Variants in PIN1 observed in about 807,000 individuals in gnomAD.
PIN1 encodes the protein peptidylprolyl cis/trans isomerase, NIMA-interacting 1.
In PIN1, 8 loss-of-function variants were observed where a neutral mutation model predicts 19.9. That is an observed-to-expected ratio of 0.40 (90% CI 0.24 to 0.72). PIN1 has a LOEUF of 0.72. PIN1 is among the 30% of genes least tolerant of loss of function. The probability of loss-of-function intolerance (pLI) is 0.37; values close to 1 mark genes in which losing one functional copy is unlikely to be tolerated. For missense variants in PIN1, 185 were observed against 226.5 expected (o/e 0.82, Z 1.18); for synonymous variants, 86 against 90.8 (o/e 0.95, Z 0.30).
intron 1 of PIN1, chr19:9,836,775 A>AGCTT: frequency 8.1e-7 from 1 of 1,235,392 alleles, no homozygotes; most frequent in Admixed American, 2.3e-5. Flanking sequence ...TTCGGGTGTG[A>AGCTT]AGTACCTGAG....
At position 9,838,241 on chromosome 19, in the gene PIN1, C is replaced by G; in HGVS notation, c.59-195C>G. The G allele has an allele frequency of 1.5e-6, 1 of 651,984 alleles. No individual in the cohort carries two copies. Among genetic ancestry groups the G allele is most frequent in the Non-Finnish European group, 2.8e-6 (1 of 356,586 alleles). 40.4% of individuals were successfully genotyped at this position (651,984 alleles called of 1,614,324 possible). A position where few individuals can be genotyped will look rare whatever the true frequency, so the allele number is the denominator to read the frequency against. ...TCTGCTCTCACCTAGAATGTTAGCT[C>G]TCTAAGGGCAGGGACTGTATCCTGC... On this transcript the variant is annotated intron_variant, in intron 1 of 3. Coordinates refer to ENST00000247970, the MANE Select transcript of PIN1 (RefSeq NM_006221.4). This position sits in a 1 kb window ranked among gnomAD's most constrained non-coding sequence, Gnocchi z 5.8.
intron 2 of PIN1, among the ~76,000 whole-genome samples, chr19:9,840,405 A>ACAAAAG (rs2046153987): frequency 1.3e-5 from 2 of 151,892 alleles, no homozygotes; most frequent in Admixed American, 1.3e-4. Flanking sequence ...AAAAACAAAA[A>ACAAAAG]CAAAAAAAAA....
At chr19:9,844,712 C>T (rs2046202251) in intron 2 of PIN1, among the ~76,000 whole-genome samples, 1 of 152,178 alleles carries the variant, frequency 6.6e-6, no homozygotes, top group Non-Finnish European at 1.5e-5. Flanking sequence ...AAGGCTGACA[C>T]ATTGTCTTGG....
chr19:9,840,988 G>A (rs972948070), intron 2 of PIN1, among the ~76,000 whole-genome samples: 4 of 152,216 alleles, frequency 2.6e-5, no homozygotes, highest in African/African-American at 4.8e-5. Flanking sequence ...ACAGTAAAGC[G>A]GGAGTAACAG....
chr19:9,846,146 G>A lies in PIN1; in HGVS notation c.272-1884G>A, dbSNP rs1354866240. Among the ~76,000 whole-genome samples the A allele has an allele frequency of 6.6e-6, 1 of 152,226 alleles. No individual in the cohort carries two copies. Among genetic ancestry groups the A allele is most frequent in the Non-Finnish European group, 1.5e-5 (1 of 68,034 alleles). On this transcript the variant is annotated intron_variant, in intron 2 of 3. Transcript: ENST00000247970. The surrounding 1 kb of genome is among the most constrained non-coding windows in gnomAD (Gnocchi z 5.9). ...TGGCACAGAGGAGGACCCCGTGGCA[G>A]CCCTGGAAGCGGGGCATTCTGATCA...
intron 3 of PIN1, chr19:9,848,733 A>T: frequency 3.2e-6 from 1 of 313,172 alleles, no homozygotes; most frequent in Non-Finnish European, 6.0e-6. Flanking sequence ...TGGGGCCAGC[A>T]GCTGCCCACC....
At chr19:9,848,556 G>A in intron 3 of PIN1, 1 of 266,400 alleles carries the variant, frequency 3.8e-6, no homozygotes, top group Non-Finnish European at 7.4e-6. Context: ...GTGGCCCTGA[G>A]TTTAGGCCTG....
intron 2 of PIN1, among the ~76,000 whole-genome samples, chr19:9,845,614 A>G (rs1206455288): frequency 6.6e-6 from 1 of 152,224 alleles, no homozygotes; most frequent in African/African-American, 2.4e-5. Flanking sequence ...CATCTCTGCA[A>G]AAGGAAAACA....
In PIN1 at chr19:9,837,247, G is replaced by C. The variant is rs535441355; in HGVS notation, c.59-1189G>C. ...TGGCGCACTGCAACCTCTGCCTCCC[G>C]GGTTCAAGTGATTCTCCTGCCTCAG... On this transcript the variant is annotated intron_variant, in intron 1 of 3. Transcript: ENST00000247970. The C allele has an allele frequency of 5.9e-4, 105 of 176,756 alleles. 1 individual carries two copies. Among genetic ancestry groups the C allele is most frequent in the South Asian group, 4.3e-3 (45 of 10,398 alleles). The allele number at this position is 176,756 out of a possible 1,614,324, so 10.9% of individuals were successfully genotyped here.
chr19:9,836,794 C>T, intron 1 of PIN1: 2 of 1,282,660 alleles, frequency 1.6e-6, no homozygotes, highest in South Asian at 2.5e-5. Flanking sequence ...AGTACAGTTC[C>T]TGCCTTCCCC....
At chr19:9,845,576 G>A (rs2046213290) in intron 2 of PIN1, among the ~76,000 whole-genome samples, 1 of 152,082 alleles carries the variant, frequency 6.6e-6, no homozygotes, top group Non-Finnish European at 1.5e-5. Context: ...AGGGGTTTGA[G>A]GCCAGCCTGA....
At chr19:9,839,304 C>T (rs1243866446) in intron 2 of PIN1, among the ~76,000 whole-genome samples, 2 of 151,754 alleles carry the variant, frequency 1.3e-5, no homozygotes, top group Middle Eastern at 3.4e-3. Context: ...TGTGTTGACG[C>T]ATGCCTGTAA....
rs1339090368 is a variant in PIN1 at position 9,849,419 on chromosome 19, C to T, written c.*220C>T. On this transcript the variant is annotated 3_prime_UTR_variant, in exon 4 of 4. Coordinates refer to ENST00000247970, the MANE Select transcript of PIN1 (RefSeq NM_006221.4). ...TTGGGGCTGCGACCGCCAGATTCTCCCTTAAGGAATTGACTTCAGCAGGGG... is the reference window on the plus strand; with the variant it reads ...TTGGGGCTGCGACCGCCAGATTCTCTCTTAAGGAATTGACTTCAGCAGGGG... 2.7e-6 allele frequency: 2 copies of T among 743,836 alleles called. No homozygotes were observed. Among genetic ancestry groups the T allele is most frequent in the East Asian group, 2.5e-5 (1 of 40,162 alleles). 46.1% of individuals were successfully genotyped at this position (743,836 alleles called of 1,614,324 possible). A position where few individuals can be genotyped will look rare whatever the true frequency, so the allele number is the denominator to read the frequency against.
rs1231691500 is a variant in PIN1, at chr19:9,846,863, C to G, written c.272-1167C>G. ...CCCCTACTGAGTGTGTCAGGGTGAC[C>G]TTCACGTTGGAGAGAAGAACTGGTG... On this transcript the variant is annotated intron_variant, in intron 2 of 3. Transcript: ENST00000247970. The surrounding 1 kb of genome is among the most constrained non-coding windows in gnomAD (Gnocchi z 5.9). 6.6e-6 allele frequency among the ~76,000 whole-genome samples: 1 copy of G among 152,068 alleles called. No homozygotes were observed. Among genetic ancestry groups the G allele is most frequent in the Non-Finnish European group, 1.5e-5 (1 of 68,006 alleles).
At chr19:9,847,196 C>T (rs1252909956) in intron 2 of PIN1, among the ~76,000 whole-genome samples, 2 of 152,170 alleles carry the variant, frequency 1.3e-5, no homozygotes, top group African/African-American at 2.4e-5. Flanking sequence ...ACACGCAGCC[C>T]TCCCCACTTG....
At position 9,838,558 on chromosome 19, in the gene PIN1, C is replaced by T; in HGVS notation, c.181C>T (p.Leu61=). The change falls in exon 2 of 4, where the codon CTG becomes TTG. Residue 61 remains leucine, a synonymous_variant. Transcript: ENST00000247970. The surrounding 1 kb of genome is among the most constrained non-coding windows in gnomAD (Gnocchi z 5.8). ...TGCCAGGGTCCGCTGCTCGCACCTGCTGGTGAAGCACAGCCAGTCACGGCG... is the reference window on the plus strand; with the variant it reads ...TGCCAGGGTCCGCTGCTCGCACCTGTTGGTGAAGCACAGCCAGTCACGGCG... ...EPARVRCSHL[L]VKHSQSRRPS... The T allele has an allele frequency of 6.3e-7, 1 of 1,581,812 alleles. No individual in the cohort carries two copies. Among genetic ancestry groups the T allele is most frequent in the Non-Finnish European group, 8.6e-7 (1 of 1,165,284 alleles).
intron 2 of PIN1, among the ~76,000 whole-genome samples, chr19:9,843,358 A>G (rs575769990): frequency 1.1e-4 from 16 of 152,354 alleles, no homozygotes; most frequent in South Asian, 1.0e-3. Context: ...TTCCCCGACC[A>G]GGCCCCTTCC....
intron 2 of PIN1, among the ~76,000 whole-genome samples, chr19:9,845,223 A>G (rs2046207977): frequency 6.6e-6 from 1 of 151,164 alleles, no homozygotes; most frequent in South Asian, 2.1e-4. Context: ...CTCACAGAGC[A>G]GGAACTCAGG....
At chr19:9,841,598 A>G (rs920106507) in intron 2 of PIN1, among the ~76,000 whole-genome samples, 1 of 152,190 alleles carries the variant, frequency 6.6e-6, no homozygotes, top group Admixed American at 6.5e-5. Flanking sequence ...ATATGTGGCC[A>G]TGTGGGACCA....
Sources: gnomAD v4.1 joint callset for allele counts (sites outside exome capture counted in the v4.1 genomes callset) on GRCh38, gnomAD v4.1.1 for gene constraint, Gnocchi (gnomAD v3.1) non-coding constraint, MANE v1.5 for transcripts, NCBI Gene and HGNC (gene_info 2026-07-23, HGNC 2026-07-21) for gene names.